ADGRL3: variants seen among roughly 807,000 people sequenced by gnomAD.
ADGRL3 encodes adhesion G protein-coupled receptor L3, also known as calcium-independent alpha-latrotoxin receptor 3.
A neutral mutation model predicts 153.5 loss-of-function variants in ADGRL3; 62 were observed. That is an observed-to-expected ratio of 0.40 (90% CI 0.33 to 0.50). The LOEUF is 0.50. Ranked by LOEUF, ADGRL3 falls within the 20% of genes least tolerant of loss-of-function variation. The pLI is 0.47. For missense variants in ADGRL3, 1,641 were observed against 1,859.4 expected (o/e 0.88, Z 2.16); for synonymous variants, 710 against 672.5 (o/e 1.06, Z -0.86).
intron 9 of ADGRL3, among the ~76,000 whole-genome samples, chr4:61,818,760 A>C (rs2097717257): frequency 6.6e-6 from 1 of 152,174 alleles, no homozygotes; most frequent in African/African-American, 2.4e-5. Flanking sequence ...TTTAGGAGGA[A>C]TTATATAAAT....
chr4:61,559,282 TA>T (rs1252959798), intron 4 of ADGRL3, among the ~76,000 whole-genome samples: 4 of 152,136 alleles, frequency 2.6e-5, no homozygotes, highest in African/African-American at 4.8e-5. Context: ...CTCTGAATAA[TA>T]AACAAAATCT....
chr4:61,569,173 A>C (rs975966745), intron 4 of ADGRL3, among the ~76,000 whole-genome samples: 1 of 152,122 alleles, frequency 6.6e-6, no homozygotes, highest in Non-Finnish European at 1.5e-5. Context: ...CACCTCTCTG[A>C]CTAGATTGTC....
intron 1 of ADGRL3, among the ~76,000 whole-genome samples, chr4:61,215,726 G>A (rs1283372287): frequency 1.3e-5 from 2 of 151,530 alleles, no homozygotes; most frequent in Non-Finnish European, 2.9e-5. Flanking sequence ...TTATTTTTTT[G>A]TATTTTTAAT....
chr4:62,018,165 T>G (rs2099221897), intron 21 of ADGRL3, among the ~76,000 whole-genome samples: 2 of 152,144 alleles, frequency 1.3e-5, no homozygotes, highest in Admixed American at 1.3e-4. Context: ...ACCTGGTAGG[T>G]GCTAGATCTT....
intron 13 of ADGRL3, among the ~76,000 whole-genome samples, chr4:61,922,526 T>C (rs1276282812): frequency 6.6e-6 from 1 of 152,218 alleles, no homozygotes; most frequent in Non-Finnish European, 1.5e-5. Context: ...ATTTATTATC[T>C]ATGTCCTTTT....
At chr4:61,967,107 G>A (rs1057149665) in intron 17 of ADGRL3, among the ~76,000 whole-genome samples, 1 of 151,966 alleles carries the variant, frequency 6.6e-6, no homozygotes, top group African/African-American at 2.4e-5. Context: ...GTACTTTAAT[G>A]CTAGTTAATA....
intron 4 of ADGRL3, among the ~76,000 whole-genome samples, chr4:61,574,175 C>G (rs2098852105): frequency 6.6e-6 from 1 of 151,886 alleles, no homozygotes; most frequent in Admixed American, 6.6e-5. Flanking sequence ...CAGACCTAAA[C>G]TAAACCATCA....
At chr4:61,936,293 A>G (rs2098837996) in intron 15 of ADGRL3, among the ~76,000 whole-genome samples, 1 of 152,166 alleles carries the variant, frequency 6.6e-6, no homozygotes. Context: ...AGAAACTTAA[A>G]TATGAAGGAA....
At chr4:61,563,678 C>T (rs952688629) in intron 4 of ADGRL3, among the ~76,000 whole-genome samples, 6 of 152,192 alleles carry the variant, frequency 3.9e-5, no homozygotes, top group Non-Finnish European at 8.8e-5. Context: ...CTTGCTATTT[C>T]ACCTCACACT....
At chr4:61,993,192 G>GTGTGTA (rs2099109527) in intron 19 of ADGRL3, among the ~76,000 whole-genome samples, 2 of 150,384 alleles carry the variant, frequency 1.3e-5, no homozygotes, top group Admixed American at 1.3e-4. Flanking sequence ...GTGTGTGTGT[G>GTGTGTA]TGTGTGTGTC....
chr4:61,840,987 A>G (rs2098022215), intron 9 of ADGRL3, among the ~76,000 whole-genome samples: 1 of 151,298 alleles, frequency 6.6e-6, no homozygotes, highest in Non-Finnish European at 1.5e-5. Flanking sequence ...AACTTCCTCT[A>G]ATCACAAGGG....
At chr4:61,782,872 A>G (rs147028937) in intron 8 of ADGRL3, among the ~76,000 whole-genome samples, 3 of 152,294 alleles carry the variant, frequency 2.0e-5, no homozygotes, top group African/African-American at 7.2e-5. Context: ...GCTTCATTTT[A>G]GAGCCAAAGT....
chr4:61,530,948 A>G (rs2098609223), intron 4 of ADGRL3, among the ~76,000 whole-genome samples: 1 of 152,182 alleles, frequency 6.6e-6, no homozygotes, highest in South Asian at 2.1e-4. Context: ...TCCTTGAGGT[A>G]AGGACCTGTG....
chr4:61,626,447 A>C (rs1001055197), intron 5 of ADGRL3, among the ~76,000 whole-genome samples: 2 of 151,992 alleles, frequency 1.3e-5, no homozygotes, highest in Non-Finnish European at 2.9e-5. Context: ...TTGATCTCTA[A>C]TTTAATATCC....
intron 5 of ADGRL3, among the ~76,000 whole-genome samples, chr4:61,608,344 T>C (rs1177977271): frequency 6.6e-6 from 1 of 152,248 alleles, no homozygotes; most frequent in Non-Finnish European, 1.5e-5. Context: ...CTGTTCATAT[T>C]AATTTACTGT....
chr4:61,389,734 A>T (rs1015460087), intron 2 of ADGRL3, among the ~76,000 whole-genome samples: 1 of 152,188 alleles, frequency 6.6e-6, no homozygotes, highest in Non-Finnish European at 1.5e-5. Flanking sequence ...TCAGACAGTC[A>T]TTCCTGCTTA....
At chr4:61,845,213 T>C (rs2149052589) in intron 9 of ADGRL3, among the ~76,000 whole-genome samples, 1 of 152,294 alleles carries the variant, frequency 6.6e-6, no homozygotes, top group South Asian at 2.1e-4. Context: ...TCACCTTTTC[T>C]TTTGGGGACA....
intron 4 of ADGRL3, among the ~76,000 whole-genome samples, chr4:61,522,089 A>C (rs1217854711): frequency 6.6e-6 from 1 of 152,150 alleles, no homozygotes; most frequent in Non-Finnish European, 1.5e-5. Context: ...AATACCTAGC[A>C]GGGATATAGT....
intron 2 of ADGRL3, among the ~76,000 whole-genome samples, chr4:61,411,671 T>G (rs2097089803): frequency 6.6e-6 from 1 of 151,444 alleles, no homozygotes; most frequent in African/African-American, 2.4e-5. Context: ...TCAGAAAAAT[T>G]ACCAGTTCTC....
Sources: allele counts gnomAD v4.1 joint callset (sites outside exome capture counted in the v4.1 genomes callset), GRCh38; gene constraint gnomAD v4.1.1; transcripts MANE v1.5; gene names NCBI Gene and HGNC (gene_info 2026-07-23, HGNC 2026-07-21).